The following TMEM108 variants were observed in gnomAD, a reference collection of about 807,000 sequenced individuals.
TMEM108 encodes the protein transmembrane protein 108, also known as cancer/testis antigen 124.
A neutral mutation model predicts 35.1 loss-of-function variants in TMEM108; 12 were observed. That is an observed-to-expected ratio of 0.34 (90% CI 0.22 to 0.55). TMEM108 has a LOEUF of 0.55. Among genes scored for constraint, TMEM108 ranks in the 20% least tolerant of loss-of-function variants. TMEM108 has a pLI of 0.89. For missense variants in TMEM108, 680 were observed against 753.3 expected (o/e 0.90, Z 1.14); for synonymous variants, 287 against 308.6 (o/e 0.93, Z 0.73).
At chr3:133,230,341 T>C (rs1047496378) in intron 3 of TMEM108, among the ~76,000 whole-genome samples, 5 of 152,232 alleles carry the variant, frequency 3.3e-5, no homozygotes, top group Non-Finnish European at 7.3e-5. Context: ...GGCGTTTTAA[T>C]TGACTCATTT....
At chr3:133,278,883 A>G (rs1946872938) in intron 3 of TMEM108, among the ~76,000 whole-genome samples, 1 of 152,188 alleles carries the variant, frequency 6.6e-6, no homozygotes, top group Non-Finnish European at 1.5e-5. Flanking sequence ...ACCCAGACCT[A>G]ATGAATTAGA....
intron 3 of TMEM108, among the ~76,000 whole-genome samples, chr3:133,242,614 G>A (rs1946329285): frequency 6.6e-6 from 1 of 152,222 alleles, no homozygotes; most frequent in African/African-American, 2.4e-5. Context: ...CTCTACACGT[G>A]ATTCTCATGC....
chr3:133,270,547 T>C, intron 3 of TMEM108, among the ~76,000 whole-genome samples: 1 of 152,174 alleles, frequency 6.6e-6, no homozygotes, highest in South Asian at 2.1e-4. Flanking sequence ...TCCTACCACC[T>C]GCTGCTGCTT....
intron 3 of TMEM108, among the ~76,000 whole-genome samples, chr3:133,242,092 C>A (rs1184057426): frequency 4.6e-5 from 7 of 152,130 alleles, no homozygotes; most frequent in Non-Finnish European, 4.4e-5. Context: ...TCCTCTTTTC[C>A]ATGTATCTCT....
At chr3:133,120,575 C>T (rs1178734289) in intron 2 of TMEM108, among the ~76,000 whole-genome samples, 4 of 152,160 alleles carry the variant, frequency 2.6e-5, no homozygotes, top group Non-Finnish European at 5.9e-5. Context: ...AGCAGATGCT[C>T]TGGGCATAGC....
intron 2 of TMEM108, among the ~76,000 whole-genome samples, chr3:133,120,117 A>G (rs2107733206): frequency 6.6e-6 from 1 of 152,310 alleles, no homozygotes; most frequent in South Asian, 2.1e-4. Flanking sequence ...ACTAGACTTT[A>G]TTCATAAAAC....
intron 3 of TMEM108, among the ~76,000 whole-genome samples, chr3:133,283,386 G>GA (rs945567001): frequency 2.0e-5 from 3 of 152,164 alleles, no homozygotes; most frequent in Admixed American, 6.5e-5. Flanking sequence ...AGAACCATCT[G>GA]AAAACCTCTG....
chr3:133,153,241 T>C (rs1944827796), intron 2 of TMEM108, among the ~76,000 whole-genome samples: 1 of 152,126 alleles, frequency 6.6e-6, no homozygotes, highest in African/African-American at 2.4e-5. Flanking sequence ...GCCTTAAATT[T>C]CTTTGGAGCA....
At chr3:133,183,332 TATG>T (rs2107806018) in intron 2 of TMEM108, among the ~76,000 whole-genome samples, 1 of 152,342 alleles carries the variant, frequency 6.6e-6, no homozygotes, top group Non-Finnish European at 1.5e-5. Context: ...TCCTAAGGCA[TATG>T]ATTCCTAAGT....
chr3:133,285,503 CGTT>C (rs1185962965), intron 3 of TMEM108, among the ~76,000 whole-genome samples: 2 of 152,098 alleles, frequency 1.3e-5, no homozygotes, highest in Non-Finnish European at 2.9e-5. Context: ...CTCAGAGAGA[CGTT>C]GTTAATATTG....
chr3:133,167,087 G>T (rs1217569656), intron 2 of TMEM108, among the ~76,000 whole-genome samples: 1 of 152,146 alleles, frequency 6.6e-6, no homozygotes, highest in Non-Finnish European at 1.5e-5. Context: ...AATGCTGATT[G>T]GTGTGTTTAC....
chr3:133,386,581 T>C, intron 4 of TMEM108: 1 of 1,467,076 alleles, frequency 6.8e-7, no homozygotes. Flanking sequence ...AGAGCTTAAT[T>C]CCCAACTCTG....
chr3:133,275,265 G>A (rs1424157491), intron 3 of TMEM108, among the ~76,000 whole-genome samples: 3 of 151,748 alleles, frequency 2.0e-5, no homozygotes, highest in South Asian at 4.2e-4. Context: ...AAATATAATA[G>A]GAATCACATA....
chr3:133,089,241 C>T (rs956144984), intron 2 of TMEM108, among the ~76,000 whole-genome samples: 2 of 152,132 alleles, frequency 1.3e-5, no homozygotes, highest in African/African-American at 4.8e-5. Flanking sequence ...GGCAGGGACA[C>T]AGATCCAAAC....
Position 133,320,992 on chromosome 3 carries a change from G to A in TMEM108, c.41-58760G>A, listed in dbSNP as rs149350668. 4.2e-3 allele frequency among the ~76,000 whole-genome samples: 645 copies of A among 152,192 alleles called. 2 individuals are homozygous for A. The highest frequency in any genetic ancestry group is 0.014 in the African/African-American group (598 of 41,504). On this transcript the variant is annotated intron_variant, in intron 3 of 5. Coordinates refer to ENST00000321871, the MANE Select transcript of TMEM108 (RefSeq NM_023943.4). Reference sequence around the variant, plus strand: ...TGCTGAGAGCATTTGCCACTCTCAAGCCAGCACTACAAGAAATTCTAAAAA... The same window carrying A: ...TGCTGAGAGCATTTGCCACTCTCAAACCAGCACTACAAGAAATTCTAAAAA...
At chr3:133,351,772 C>T (rs188598716) in intron 3 of TMEM108, among the ~76,000 whole-genome samples, 12 of 152,260 alleles carry the variant, frequency 7.9e-5, no homozygotes, top group African/African-American at 2.9e-4. Flanking sequence ...CCTGAGCCAC[C>T]TGGATGTGAA....
chr3:133,379,264 A>G (rs1488238597), intron 3 of TMEM108, among the ~76,000 whole-genome samples: 1 of 152,234 alleles, frequency 6.6e-6, no homozygotes, highest in African/African-American at 2.4e-5. Context: ...AGAAAAGGGC[A>G]TAAGAGTTGG....
At chr3:133,379,354 C>T (rs1479583421) in intron 3 of TMEM108, among the ~76,000 whole-genome samples, 1 of 152,244 alleles carries the variant, frequency 6.6e-6, no homozygotes, top group Non-Finnish European at 1.5e-5. Flanking sequence ...CACAGGCAAG[C>T]TGTCCTTGAC....
chr3:133,305,940 C>T (rs1189843060), intron 3 of TMEM108, among the ~76,000 whole-genome samples: 1 of 151,720 alleles, frequency 6.6e-6, no homozygotes, highest in East Asian at 1.9e-4. Context: ...GTGTAAGAGC[C>T]CAATTTTTTA....
Sources: allele counts gnomAD v4.1 joint callset (sites outside exome capture counted in the v4.1 genomes callset), GRCh38; gene constraint gnomAD v4.1.1; transcripts MANE v1.5; gene names NCBI Gene and HGNC (gene_info 2026-07-23, HGNC 2026-07-21).